The following SLC24A3 variants were observed in gnomAD, a reference collection of about 807,000 sequenced individuals.
SLC24A3 encodes solute carrier family 24 member 3.
In SLC24A3, 28 loss-of-function variants were observed where a neutral mutation model predicts 75.8. That is an observed-to-expected ratio of 0.37 (90% CI 0.27 to 0.51). The LOEUF (loss-of-function observed/expected upper bound fraction) is 0.51. Among genes scored for constraint, SLC24A3 ranks in the 20% least tolerant of loss-of-function variants. SLC24A3 has a pLI of 0.94. For synonymous variants in SLC24A3, 372 were observed against 334.1 expected (o/e 1.11, Z -1.24); for missense variants, 663 against 847.8 (o/e 0.78, Z 2.71).
chr20:19,252,587 G>A (rs934701185), intron 1 of SLC24A3, among the ~76,000 whole-genome samples: 1 of 145,738 alleles, frequency 6.9e-6, no homozygotes, highest in African/African-American at 2.5e-5. Flanking sequence ...ATTCAAAGCT[G>A]TTCTCTTTTC....
chr20:19,346,368 G>GTGGTGTATATATATGGTATATATA (rs1261561434), intron 2 of SLC24A3, among the ~76,000 whole-genome samples: 72 of 113,458 alleles, frequency 6.3e-4, no homozygotes, highest in Non-Finnish European at 1.0e-3. Context: ...GTATATATAT[G>GTGGTGTATATATATGGTATATATA]TGGTGTATAT....
intron 6 of SLC24A3, among the ~76,000 whole-genome samples, chr20:19,592,793 C>CTTTTTTTT (rs11471623): frequency 8.4e-5 from 10 of 119,660 alleles, no homozygotes; most frequent in Non-Finnish European, 1.0e-4. Context: ...TTCTTTCTTT[C>CTTTTTTTT]TTTCTTTTTT....
intron 6 of SLC24A3, among the ~76,000 whole-genome samples, chr20:19,627,561 G>A (rs2031880447): frequency 6.6e-6 from 1 of 152,074 alleles, no homozygotes. Context: ...AAAAGGCACA[G>A]AATGAAAACA....
chr20:19,360,541 C>T (rs1985767007), intron 2 of SLC24A3, among the ~76,000 whole-genome samples: 1 of 152,210 alleles, frequency 6.6e-6, no homozygotes, highest in South Asian at 2.1e-4. Context: ...GAAAATGTCT[C>T]AGCATGGAAA....
chr20:19,670,569 C>T (rs1278910758), intron 8 of SLC24A3, among the ~76,000 whole-genome samples: 1 of 152,202 alleles, frequency 6.6e-6, no homozygotes, highest in African/African-American at 2.4e-5. Context: ...AATCTGACTA[C>T]AATATTTCAT....
intron 3 of SLC24A3, among the ~76,000 whole-genome samples, chr20:19,526,475 C>G (rs893053550): frequency 6.6e-6 from 1 of 152,232 alleles, no homozygotes; most frequent in Non-Finnish European, 1.5e-5. Context: ...ATTTTCATCT[C>G]TTCTATGTTG....
chr20:19,670,089 A>G lies in SLC24A3; in HGVS notation c.714-3512A>G, dbSNP rs191803988. On this transcript the variant is annotated intron_variant, in intron 8 of 16. Transcript: ENST00000328041. ...TAAGCACCTCCTCTACGCCAGGGAA[A>G]CATGTCGTACAAAACCAGAGCTGGC... 2.1e-3 allele frequency among the ~76,000 whole-genome samples: 317 copies of G among 152,134 alleles called. 2 individuals carry two copies. The highest frequency in any genetic ancestry group is 7.2e-3 in the African/African-American group (299 of 41,508).
At chr20:19,245,814 C>T (rs897530651) in intron 1 of SLC24A3, among the ~76,000 whole-genome samples, 12 of 151,706 alleles carry the variant, frequency 7.9e-5, no homozygotes, top group Non-Finnish European at 1.5e-4. Flanking sequence ...AACATAGTCT[C>T]AACATGTCAA....
intron 2 of SLC24A3, among the ~76,000 whole-genome samples, chr20:19,405,485 A>AGTC (rs1986627347): frequency 6.6e-6 from 1 of 152,212 alleles, no homozygotes; most frequent in South Asian, 2.1e-4. Context: ...TTTCATTTTG[A>AGTC]GTCAGGGAAT....
chr20:19,375,116 A>T (rs1212786585), intron 2 of SLC24A3, among the ~76,000 whole-genome samples: 2 of 151,856 alleles, frequency 1.3e-5, no homozygotes, highest in East Asian at 3.9e-4. Context: ...GCTTCACCTC[A>T]CAGATCAATC....
At chr20:19,523,358 G>T (rs1217809579) in intron 3 of SLC24A3, among the ~76,000 whole-genome samples, 1 of 152,186 alleles carries the variant, frequency 6.6e-6, no homozygotes, top group East Asian at 1.9e-4. Flanking sequence ...ATAGCTTGTG[G>T]AATTTGCTGT....
At chr20:19,512,109 C>A (rs1308809360) in intron 2 of SLC24A3, among the ~76,000 whole-genome samples, 1 of 152,232 alleles carries the variant, frequency 6.6e-6, no homozygotes, top group Non-Finnish European at 1.5e-5. Flanking sequence ...TTTTCACACA[C>A]TTCCTCATGG....
chr20:19,253,045 G>T (rs1002667116), intron 1 of SLC24A3, among the ~76,000 whole-genome samples: 1 of 152,190 alleles, frequency 6.6e-6, no homozygotes. Context: ...GGCTTCCCAC[G>T]GGGTTAGGCA....
intron 2 of SLC24A3, among the ~76,000 whole-genome samples, chr20:19,306,391 A>G (rs767337704): frequency 5.3e-5 from 8 of 152,246 alleles, no homozygotes; most frequent in Non-Finnish European, 1.0e-4. Context: ...GTCAAAAGAC[A>G]TAGGTACTCA....
chr20:19,457,910 C>G (rs1366425955), intron 2 of SLC24A3, among the ~76,000 whole-genome samples: 1 of 152,166 alleles, frequency 6.6e-6, no homozygotes, highest in East Asian at 1.9e-4. Flanking sequence ...TCAGAGGTGG[C>G]AAAGCCTTGG....
intron 9 of SLC24A3, among the ~76,000 whole-genome samples, chr20:19,675,642 A>C (rs1205867509): frequency 6.6e-6 from 1 of 152,212 alleles, no homozygotes; most frequent in South Asian, 2.1e-4. Context: ...GTAGGACCTT[A>C]GTCATACATA....
chr20:19,603,278 C>G (rs969341956), intron 6 of SLC24A3, among the ~76,000 whole-genome samples: 1 of 152,134 alleles, frequency 6.6e-6, no homozygotes, highest in Admixed American at 6.6e-5. Context: ...AGCATCTGCC[C>G]GCTGAACAGA....
chr20:19,223,540 G>C (rs1479671103), intron 1 of SLC24A3, among the ~76,000 whole-genome samples: 1 of 152,110 alleles, frequency 6.6e-6, no homozygotes, highest in Non-Finnish European at 1.5e-5. Flanking sequence ...TACATACACT[G>C]TGTTTTTTCC....
chr20:19,599,419 T>C (rs926456758), intron 6 of SLC24A3, among the ~76,000 whole-genome samples: 2 of 152,000 alleles, frequency 1.3e-5, no homozygotes, highest in African/African-American at 4.8e-5. Context: ...ATGCGGTCCC[T>C]CCCGCGCACC....
Sources: gnomAD v4.1 joint callset for allele counts (sites outside exome capture counted in the v4.1 genomes callset) on GRCh38, gnomAD v4.1.1 for gene constraint, MANE v1.5 for transcripts, NCBI Gene and HGNC (gene_info 2026-07-23, HGNC 2026-07-21) for gene names.